The following PTPRM variants were observed in gnomAD, a reference collection of about 807,000 sequenced individuals.
PTPRM encodes the protein receptor-type tyrosine-protein phosphatase mu.
In PTPRM, 47 loss-of-function variants were observed where a neutral mutation model predicts 186.7. The observed-to-expected ratio is 0.25, with a 90% CI of 0.20 to 0.32. PTPRM has a LOEUF of 0.32. Ranked by LOEUF, PTPRM falls within the 10% of genes least tolerant of loss-of-function variation. PTPRM has a pLI of 1.00. For missense variants in PTPRM, 1,494 were observed against 1,865.0 expected, an observed-to-expected ratio of 0.80 and a Z score of 3.66; for synonymous variants, 668 against 674.9, an observed-to-expected ratio of 0.99 and a Z score of 0.16.
At chr18:8,405,643 T>G (rs2095901755) in intron 32 of PTPRM, among the ~76,000 whole-genome samples, 1 of 152,198 alleles carries the variant, frequency 6.6e-6, no homozygotes. Context: ...CTTATGAAAT[T>G]CTCATGAGAT....
intron 1 of PTPRM, among the ~76,000 whole-genome samples, chr18:7,638,822 C>G (rs1262669889): frequency 6.6e-6 from 1 of 152,124 alleles, no homozygotes; most frequent in African/African-American, 2.4e-5. Context: ...TTCTTATGGT[C>G]TTTTAGAAAA....
intron 2 of PTPRM, among the ~76,000 whole-genome samples, chr18:7,846,387 A>G (rs1223338331): frequency 2.0e-5 from 3 of 152,246 alleles, no homozygotes; most frequent in Admixed American, 6.5e-5. Flanking sequence ...CAAAAGAATC[A>G]TAGGTAACTT....
At chr18:7,770,529 A>C (rs761467872) in intron 1 of PTPRM, among the ~76,000 whole-genome samples, 2 of 152,196 alleles carry the variant, frequency 1.3e-5, no homozygotes, top group African/African-American at 2.4e-5. Flanking sequence ...TGTTACACTG[A>C]CTTTATATTT....
intron 2 of PTPRM, among the ~76,000 whole-genome samples, chr18:7,780,712 G>C (rs1386511151): frequency 2.0e-5 from 3 of 152,134 alleles, no homozygotes; most frequent in Non-Finnish European, 4.4e-5. Context: ...CCACAGGTAA[G>C]GGTAGAAAAT....
chr18:7,629,781 G>A (rs892411855), intron 1 of PTPRM, among the ~76,000 whole-genome samples: 1 of 152,114 alleles, frequency 6.6e-6, no homozygotes, highest in African/African-American at 2.4e-5. Context: ...GTGTGAATGT[G>A]CAGACCCACA....
chr18:7,726,281 A>C (rs1317606990), intron 1 of PTPRM, among the ~76,000 whole-genome samples: 1 of 152,110 alleles, frequency 6.6e-6, no homozygotes, highest in Non-Finnish European at 1.5e-5. Flanking sequence ...GGTCATTTAC[A>C]TATCTTCTTT....
intron 14 of PTPRM, among the ~76,000 whole-genome samples, chr18:8,193,469 T>TA (rs1029527468): frequency 9.3e-6 from 1 of 107,248 alleles, no homozygotes; most frequent in East Asian, 6.6e-4. Flanking sequence ...CAAAGCCCTT[T>TA]AAAAAATATG....
chr18:8,138,203 AC>A (rs1275945752), intron 13 of PTPRM, among the ~76,000 whole-genome samples: 1 of 78,714 alleles, frequency 1.3e-5, no homozygotes, highest in Non-Finnish European at 2.7e-5. Flanking sequence ...ATCACCCCCT[AC>A]CTTTTTTTTT....
At chr18:7,958,207 C>CAAAAA (rs534178363) in intron 7 of PTPRM, among the ~76,000 whole-genome samples, 40 of 115,262 alleles carry the variant, frequency 3.5e-4, no homozygotes, top group Non-Finnish European at 5.0e-4. Flanking sequence ...CCATCCCCTG[C>CAAAAA]AAAAAAAAAA....
At chr18:8,372,710 A>G (rs2095670646) in intron 24 of PTPRM, among the ~76,000 whole-genome samples, 1 of 106,540 alleles carries the variant, frequency 9.4e-6, no homozygotes, top group Non-Finnish European at 1.9e-5. Context: ...TTTCCTTCTT[A>G]GGCAGAATTG....
At chr18:8,266,058 C>A (rs537993020) in intron 19 of PTPRM, among the ~76,000 whole-genome samples, 1 of 152,216 alleles carries the variant, frequency 6.6e-6, no homozygotes, top group African/African-American at 2.4e-5. Context: ...TGGTTTCTAT[C>A]CCGATGTGCC....
chr18:8,250,363 A>T (rs1338315472), intron 17 of PTPRM, among the ~76,000 whole-genome samples: 2 of 152,212 alleles, frequency 1.3e-5, no homozygotes, highest in East Asian at 3.8e-4. Flanking sequence ...TAAAAATTCA[A>T]GATAATTCAT....
At chr18:7,940,936 A>G (rs1278017677) in intron 5 of PTPRM, among the ~76,000 whole-genome samples, 2 of 152,176 alleles carry the variant, frequency 1.3e-5, no homozygotes, top group African/African-American at 4.8e-5. Context: ...TGGGGTGTCA[A>G]AGAATATGCA....
chr18:7,763,811 G>A (rs921871962), intron 1 of PTPRM, among the ~76,000 whole-genome samples: 2 of 152,114 alleles, frequency 1.3e-5, no homozygotes, highest in Admixed American at 1.3e-4. Context: ...AAATAGCATG[G>A]TTTGGCTGTA....
rs535863090 is a variant in PTPRM, at chr18:8,263,687, C to T, written c.2754+10273C>T. ...TTCAGCCCCACACACCAACCTCCAG[C>T]GAAGAGGGGTAGAGGCAGCTAGAGA... is the stretch of plus-strand genomic sequence containing the variant. On this transcript the variant is annotated intron_variant, in intron 19 of 32. Coordinates refer to ENST00000580170, the MANE Select transcript of PTPRM (RefSeq NM_001105244.2). Among the ~76,000 whole-genome samples the T allele has an allele frequency of 1.4e-4, 21 of 152,092 alleles. No homozygotes were observed. In the South Asian group the frequency reaches 2.9e-3, roughly 21 times the overall value.
chr18:8,238,114 C>T (rs1178894728), intron 14 of PTPRM, among the ~76,000 whole-genome samples: 1 of 152,022 alleles, frequency 6.6e-6, no homozygotes. Flanking sequence ...CTGGAAAAAT[C>T]CAAAATGTTT....
chr18:8,159,711 G>T (rs1568442418), intron 14 of PTPRM, among the ~76,000 whole-genome samples: 1 of 152,100 alleles, frequency 6.6e-6, no homozygotes, highest in African/African-American at 2.4e-5. Flanking sequence ...TTTTCTATTA[G>T]ATCCTTTTTA....
chr18:8,119,490 C>G lies in PTPRM; in HGVS notation c.2167+4663C>G, dbSNP rs2092090755. Among the ~76,000 whole-genome samples, 3 of 152,130 alleles carry G rather than the reference C, an allele frequency of 2.0e-5. No homozygotes were observed. The South Asian group carries it at 6.2e-4, about 31-fold the overall frequency. On this transcript the variant is annotated intron_variant, in intron 13 of 32. Transcript: ENST00000580170. Reference sequence around the variant, plus strand: ...TATATAGCAAGACCACTCATATATGCTAATCTGCTGTTATTTAGGCTTTGG... The same window carrying G: ...TATATAGCAAGACCACTCATATATGGTAATCTGCTGTTATTTAGGCTTTGG...
At chr18:7,944,419 C>T (rs898479612) in intron 5 of PTPRM, among the ~76,000 whole-genome samples, 3 of 152,202 alleles carry the variant, frequency 2.0e-5, no homozygotes, top group African/African-American at 7.2e-5. Context: ...TGGACTCACA[C>T]CGTATCTCCT....
Sources: gnomAD v4.1 joint callset for allele counts (sites outside exome capture counted in the v4.1 genomes callset) on GRCh38, gnomAD v4.1.1 for gene constraint, MANE v1.5 for transcripts, NCBI Gene and HGNC (gene_info 2026-07-23, HGNC 2026-07-21) for gene names.